Variants in CLSTN2 observed in about 807,000 individuals in gnomAD.
The protein encoded by CLSTN2 is calsyntenin 2.
Under a neutral mutation model 101.2 loss-of-function variants are expected in CLSTN2, and 48 were observed. That is an observed-to-expected ratio of 0.47 (90% confidence interval 0.38 to 0.60). The LOEUF is 0.60. Ranked by LOEUF, CLSTN2 falls within the 20% of genes least tolerant of loss-of-function variation. The pLI is 0.00. For synonymous variants in CLSTN2, 481 were observed against 463.6 expected, an observed-to-expected ratio of 1.04 and a Z score of -0.48; for missense variants, 1,160 against 1,238.2, an observed-to-expected ratio of 0.94 and a Z score of 0.95.
At chr3:140,209,126 T>A (rs1162151638) in intron 2 of CLSTN2, among the ~76,000 whole-genome samples, 1 of 152,226 alleles carries the variant, frequency 6.6e-6, no homozygotes, top group Non-Finnish European at 1.5e-5. Context: ...GCTCTCAGAT[T>A]TTTTAAACCT....
At position 140,267,588 on chromosome 3, in the gene CLSTN2, G is replaced by A. The variant is rs530874348; in HGVS notation, c.232+91515G>A. On this transcript the variant is annotated intron_variant, in intron 2 of 16. Coordinates refer to ENST00000458420, the MANE Select transcript of CLSTN2 (RefSeq NM_022131.3). The stretch of plus-strand genomic sequence containing the variant: ...GGTGAACACATCTTTAGCCAAATAG[G>A]TATATAGTTATATTCTCAGAGACCG... Among the ~76,000 whole-genome samples, 49 of 152,268 alleles carry A rather than the reference G, an allele frequency of 3.2e-4. No homozygotes were observed. The South Asian group carries it at 9.1e-3, about 28-fold the overall frequency.
In CLSTN2 at chr3:140,059,476, C is replaced by T. The variant is rs537045896; in HGVS notation, c.110-116475C>T. Among the ~76,000 whole-genome samples, 13 of 142,510 alleles carry T rather than the reference C, an allele frequency of 9.1e-5. No individual in the cohort carries two copies. In the South Asian group the frequency reaches 2.7e-3, roughly 30 times the overall value. The allele number at this position is 142,510 out of a possible 152,430, so 93.5% of individuals were successfully genotyped here. ...TGATGGAGCTAAAAGTGCTGATGAGCAGGAGACTAAAGAGAGCTACATGGA... is the reference window on the plus strand; with the variant it reads ...TGATGGAGCTAAAAGTGCTGATGAGTAGGAGACTAAAGAGAGCTACATGGA... On this transcript the variant is annotated intron_variant, in intron 1 of 16. Transcript: ENST00000458420.
At chr3:140,062,453 A>G (rs1349461233) in intron 1 of CLSTN2, among the ~76,000 whole-genome samples, 2 of 152,210 alleles carry the variant, frequency 1.3e-5, no homozygotes, top group Non-Finnish European at 2.9e-5. Context: ...AAGAGAAATC[A>G]AGCCTCCTCA....
intron 5 of CLSTN2, among the ~76,000 whole-genome samples, chr3:140,447,555 G>A (rs560953829): frequency 2.0e-5 from 3 of 152,298 alleles, no homozygotes; most frequent in East Asian, 3.9e-4. Context: ...CCTCTCTAAT[G>A]CTTTATCATT....
At chr3:140,221,309 T>C (rs1029680233) in intron 2 of CLSTN2, among the ~76,000 whole-genome samples, 4 of 152,220 alleles carry the variant, frequency 2.6e-5, no homozygotes, top group African/African-American at 9.7e-5. Flanking sequence ...TGAACGTGTC[T>C]ATGTTTAGAT....
At chr3:140,501,691 T>G (rs972401982) in intron 8 of CLSTN2, among the ~76,000 whole-genome samples, 2 of 152,198 alleles carry the variant, frequency 1.3e-5, no homozygotes, top group Non-Finnish European at 2.9e-5. Context: ...CCTACAAGAA[T>G]CCTTACACAG....
intron 1 of CLSTN2, among the ~76,000 whole-genome samples, chr3:140,151,264 C>T (rs149696377): frequency 1.5e-3 from 222 of 152,000 alleles, no homozygotes; most frequent in African/African-American, 5.2e-3. Flanking sequence ...ATTAGTGGTT[C>T]GGGGATACCT....
Position 139,969,899 on chromosome 3 carries a change from G to A in CLSTN2, c.109+34416G>A, listed in dbSNP as rs535049629. On this transcript the variant is annotated intron_variant, in intron 1 of 16. Transcript: ENST00000458420. ...CCCTGTGACACCCTAGACTGTCCTG[G>A]TTCTTTTTATTAGAGTCTGTGGGTA... Among the ~76,000 whole-genome samples, 12 of 152,204 alleles carry A rather than the reference G, an allele frequency of 7.9e-5. No individual in the cohort carries two copies. The South Asian group carries it at 2.3e-3, about 29-fold the overall frequency.
At chr3:140,283,794 T>G (rs1452494788) in intron 2 of CLSTN2, among the ~76,000 whole-genome samples, 1 of 152,214 alleles carries the variant, frequency 6.6e-6, no homozygotes, top group Non-Finnish European at 1.5e-5. Context: ...TCTCATTAAT[T>G]GATAATGTTC....
intron 5 of CLSTN2, among the ~76,000 whole-genome samples, chr3:140,435,055 C>G (rs1221122988): frequency 6.6e-6 from 1 of 152,148 alleles, no homozygotes; most frequent in African/African-American, 2.4e-5. Flanking sequence ...CATTTATCCT[C>G]TGAGTTTCAG....
chr3:140,500,355 A>G (rs935638804), intron 8 of CLSTN2, among the ~76,000 whole-genome samples: 2 of 152,210 alleles, frequency 1.3e-5, no homozygotes, highest in South Asian at 2.1e-4. Context: ...ACTTACTTCA[A>G]AATTAGGAAT....
chr3:140,139,420 G>A (rs984603116), intron 1 of CLSTN2, among the ~76,000 whole-genome samples: 2 of 152,204 alleles, frequency 1.3e-5, no homozygotes, highest in African/African-American at 4.8e-5. Flanking sequence ...CTGCCTGCCT[G>A]AGGGTCCACC....
chr3:140,483,785 A>G (rs1053565946), intron 8 of CLSTN2, among the ~76,000 whole-genome samples: 4 of 151,756 alleles, frequency 2.6e-5, no homozygotes, highest in Admixed American at 2.6e-4. Context: ...GATTTTATTT[A>G]TTTATTTATT....
chr3:140,456,442 C>T (rs1196840468), intron 6 of CLSTN2, among the ~76,000 whole-genome samples: 1 of 152,166 alleles, frequency 6.6e-6, no homozygotes, highest in African/African-American at 2.4e-5. Context: ...GCCTGGCACC[C>T]ATTCTGTGCC....
intron 1 of CLSTN2, among the ~76,000 whole-genome samples, chr3:139,986,024 A>T (rs1936015667): frequency 6.6e-6 from 1 of 152,182 alleles, no homozygotes; most frequent in Non-Finnish European, 1.5e-5. Context: ...GCTGGATATC[A>T]ATTAACTATT....
At chr3:140,245,139 C>T (rs1473140939) in intron 2 of CLSTN2, among the ~76,000 whole-genome samples, 5 of 152,176 alleles carry the variant, frequency 3.3e-5, no homozygotes, top group East Asian at 1.9e-4. Context: ...TTGATAACCA[C>T]GTGTTCCAGG....
At chr3:140,051,421 C>T (rs1041954169) in intron 1 of CLSTN2, among the ~76,000 whole-genome samples, 6 of 152,200 alleles carry the variant, frequency 3.9e-5, no homozygotes, top group Admixed American at 1.3e-4. Flanking sequence ...CCCGTTCCAT[C>T]CTCAGCATGG....
intron 7 of CLSTN2, among the ~76,000 whole-genome samples, chr3:140,461,696 C>T (rs1559876552): frequency 6.6e-6 from 1 of 151,376 alleles, no homozygotes; most frequent in East Asian, 2.0e-4. Context: ...CCACCCAGCT[C>T]AATAAGAATC....
At chr3:139,937,102 TG>T (rs1425615450) in intron 1 of CLSTN2, among the ~76,000 whole-genome samples, 2 of 89,984 alleles carry the variant, frequency 2.2e-5, no homozygotes, top group East Asian at 3.4e-4. Flanking sequence ...ATTACTTTTT[TG>T]GGGGGTGGGG....
Sources: gnomAD v4.1 joint callset for allele counts (sites outside exome capture counted in the v4.1 genomes callset) on GRCh38, gnomAD v4.1.1 for gene constraint, MANE v1.5 for transcripts, NCBI Gene and HGNC (gene_info 2026-07-23, HGNC 2026-07-21) for gene names.